Variants in UBE2E1 observed in about 807,000 individuals in gnomAD.
The protein encoded by UBE2E1 is ubiquitin conjugating enzyme E2 E1.
UBE2E1 carries 6 observed loss-of-function variants against 21.4 expected under a neutral mutation model. The ratio of observed to expected loss-of-function variants is 0.28; its 90% CI spans 0.15 to 0.55. The LOEUF is 0.55. UBE2E1 is among the 20% of genes least tolerant of loss of function. The pLI is 0.93. For missense variants in UBE2E1, 142 were observed against 236.5 expected, an observed-to-expected ratio of 0.60 and a Z score of 2.62; for synonymous variants, 87 against 82.7, an observed-to-expected ratio of 1.05 and a Z score of -0.28.
chr3:23,818,919 A>C (rs929034174), intron 3 of UBE2E1, among the ~76,000 whole-genome samples: 2 of 152,192 alleles, frequency 1.3e-5, no homozygotes, highest in East Asian at 1.9e-4. Flanking sequence ...TTGGGGCTCT[A>C]AAGTGTAAGA....
At chr3:23,840,167 G>A (rs576106929) in intron 3 of UBE2E1, among the ~76,000 whole-genome samples, 1 of 152,142 alleles carries the variant, frequency 6.6e-6, no homozygotes, top group South Asian at 2.1e-4. Flanking sequence ...ATTTCTATGA[G>A]TCCACTTACC....
Position 23,862,698 on chromosome 3 carries a change from A to G in UBE2E1, c.204-24869A>G, listed in dbSNP as rs978104932. ...GTCACATGGTTATAGGTTGTAAGAT[A>G]CTATCTTTTTCCTTTCCGTCTTATC... is the stretch of plus-strand genomic sequence containing the variant. On this transcript the variant is annotated intron_variant, in intron 3 of 5. Transcript: ENST00000306627. Among the ~76,000 whole-genome samples the G allele has an allele frequency of 3.3e-5, 5 of 152,128 alleles. No individual in the cohort carries two copies. In the East Asian group the frequency reaches 9.6e-4, roughly 29 times the overall value.
At chr3:23,878,021 C>T (rs887528475) in intron 3 of UBE2E1, among the ~76,000 whole-genome samples, 3 of 152,154 alleles carry the variant, frequency 2.0e-5, no homozygotes, top group African/African-American at 7.2e-5. Context: ...CTGCTGTCCG[C>T]ATGTCTCTTT....
chr3:23,888,306 TTC>T, intron 4 of UBE2E1: 1 of 456,482 alleles, frequency 2.2e-6, no homozygotes, highest in African/African-American at 2.0e-5. Context: ...CAATCTATGA[TTC>T]TCATTCAGTC....
intron 3 of UBE2E1, among the ~76,000 whole-genome samples, chr3:23,845,589 C>CTGTGTGTGTGTGTGTGTGTGTGTG (rs377458829): frequency 4.9e-5 from 6 of 121,284 alleles, no homozygotes; most frequent in East Asian, 4.6e-4. Context: ...CTCTCTCTCT[C>CTGTGTGTGTGTGTGTGTGTGTGTG]TGTGTGTGTG....
chr3:23,835,705 CA>C (rs1416340367), intron 3 of UBE2E1, among the ~76,000 whole-genome samples: 1 of 152,024 alleles, frequency 6.6e-6, no homozygotes, highest in Non-Finnish European at 1.5e-5. Context: ...AAAAGTGAAT[CA>C]ATTTTAGAAA....
chr3:23,881,509 G>GT (rs201294759), intron 3 of UBE2E1, among the ~76,000 whole-genome samples: 2,209 of 152,164 alleles, frequency 0.015, 34 homozygotes, highest in Non-Finnish European at 0.023. Context: ...GGATAAGTGG[G>GT]TTTTTTTAAA....
chr3:23,834,716 G>C (rs1246597769), intron 3 of UBE2E1, among the ~76,000 whole-genome samples: 1 of 152,016 alleles, frequency 6.6e-6, no homozygotes, highest in East Asian at 1.9e-4. Context: ...ATGACAGAGC[G>C]AGACCCCGTC....
In UBE2E1 at chr3:23,882,555, G is replaced by C. The variant is rs369006796; in HGVS notation, c.204-5012G>C. Among the ~76,000 whole-genome samples the C allele has an allele frequency of 1.7e-3, 252 of 152,238 alleles. 1 individual carries two copies. Among genetic ancestry groups the C allele is most frequent in the African/African-American group, 6.0e-3 (249 of 41,592 alleles). Reference sequence around the variant, plus strand: ...CACACTCCTCAACCCTTGGGCAGGCGATGGGACCGGGAGCCGCGGAGCAGG... The same window carrying C: ...CACACTCCTCAACCCTTGGGCAGGCCATGGGACCGGGAGCCGCGGAGCAGG... On this transcript the variant is annotated intron_variant, in intron 3 of 5. Coordinates refer to ENST00000306627, the MANE Select transcript of UBE2E1 (RefSeq NM_003341.5).
intron 3 of UBE2E1, among the ~76,000 whole-genome samples, chr3:23,856,624 A>G (rs573725831): frequency 6.6e-6 from 1 of 152,312 alleles, no homozygotes; most frequent in African/African-American, 2.4e-5. Flanking sequence ...GACCTCACGT[A>G]TCTAAACCCT....
intron 3 of UBE2E1, among the ~76,000 whole-genome samples, chr3:23,850,767 A>G (rs1700305337): frequency 6.9e-6 from 1 of 144,008 alleles, no homozygotes; most frequent in Non-Finnish European, 1.5e-5. Context: ...CTGCAGCCTC[A>G]GGCTCAAGCA....
chr3:23,871,851 G>C (rs1235370961), intron 3 of UBE2E1, among the ~76,000 whole-genome samples: 1 of 151,798 alleles, frequency 6.6e-6, no homozygotes, highest in East Asian at 2.0e-4. Context: ...TTCCTAGATG[G>C]GATGGCGGCG....
Position 23,823,925 on chromosome 3 carries a change from GA to G in UBE2E1, c.203+12419del, listed in dbSNP as rs1478864818. ...TCCTTCAGGGAGACTGGTAGCCCCC[GA>G]AAAGACATTTATTTTTTGTAGCTTG... is the stretch of plus-strand genomic sequence containing the variant. On this transcript the variant is annotated intron_variant, in intron 3 of 5. Coordinates refer to ENST00000306627, the MANE Select transcript of UBE2E1 (RefSeq NM_003341.5). The surrounding 1 kb of genome is among the most constrained non-coding windows in gnomAD (Gnocchi z 4.2). Among the ~76,000 whole-genome samples the G allele has an allele frequency of 6.6e-6, 1 of 152,146 alleles. No individual in the cohort carries two copies. Among genetic ancestry groups the G allele is most frequent in the Non-Finnish European group, 1.5e-5 (1 of 68,014 alleles).
chr3:23,866,776 AT>A, intron 3 of UBE2E1, among the ~76,000 whole-genome samples: 1 of 152,344 alleles, frequency 6.6e-6, no homozygotes, highest in Middle Eastern at 3.4e-3. Flanking sequence ...GTATTAAGAA[AT>A]TTAAATAACA....
chr3:23,851,629 C>A (rs1206337767), intron 3 of UBE2E1, among the ~76,000 whole-genome samples: 1 of 151,904 alleles, frequency 6.6e-6, no homozygotes, highest in Non-Finnish European at 1.5e-5. Context: ...CAAAGTGAGA[C>A]CCTCTTCTCT....
chr3:23,810,778 G>A lies in UBE2E1; in HGVS notation c.153-682G>A. On this transcript the variant is annotated intron_variant, in intron 2 of 5. Transcript: ENST00000306627. The surrounding 1 kb of genome is among the most constrained non-coding windows in gnomAD (Gnocchi z 5.8). ...CTCCCCCGCCCGCAACTTCACCGGC[G>A]CGGCGCGAGCCGTCGGGGGCGCGCG... The A allele has an allele frequency of 4.1e-6, 1 of 245,650 alleles. No homozygotes were observed. Among genetic ancestry groups the A allele is most frequent in the Non-Finnish European group, 7.7e-6 (1 of 129,658 alleles). The allele number at this position is 245,650 out of a possible 1,614,324, so 15.2% of individuals were successfully genotyped here.
intron 3 of UBE2E1, among the ~76,000 whole-genome samples, chr3:23,872,592 A>G (rs1241309104): frequency 6.6e-6 from 1 of 151,790 alleles, no homozygotes; most frequent in African/African-American, 2.4e-5. Flanking sequence ...GCTTTTGATT[A>G]TATGGTTAAC....
At chr3:23,833,576 A>G (rs912660490) in intron 3 of UBE2E1, among the ~76,000 whole-genome samples, 1 of 152,238 alleles carries the variant, frequency 6.6e-6, no homozygotes, top group Non-Finnish European at 1.5e-5. Context: ...GATGAACAAG[A>G]TGTCGGAAAG....
chr3:23,844,919 G>C (rs144306840), intron 3 of UBE2E1, among the ~76,000 whole-genome samples: 1 of 152,126 alleles, frequency 6.6e-6, no homozygotes, highest in Non-Finnish European at 1.5e-5. Flanking sequence ...AGATGGACAT[G>C]TGTATATGTA....
Sources: allele counts gnomAD v4.1 joint callset (sites outside exome capture counted in the v4.1 genomes callset), GRCh38; gene constraint gnomAD v4.1.1; non-coding constraint Gnocchi (gnomAD v3.1); transcripts MANE v1.5; gene names NCBI Gene and HGNC (gene_info 2026-07-23, HGNC 2026-07-21).